Variants in GAS6 observed in about 807,000 individuals in gnomAD.
GAS6 encodes growth arrest-specific protein 6.
In GAS6, 41 loss-of-function variants were observed where a neutral mutation model predicts 75.8. The ratio of observed to expected loss-of-function variants is 0.54; its 90% CI spans 0.42 to 0.70. GAS6 has a LOEUF of 0.70. Among genes scored for constraint, GAS6 ranks in the 30% least tolerant of loss-of-function variants. The pLI is 0.00. For missense variants in GAS6, 854 were observed against 940.2 expected, an observed-to-expected ratio of 0.91 and a Z score of 1.20; for synonymous variants, 432 against 412.6, an observed-to-expected ratio of 1.05 and a Z score of -0.57.
intron 12 of GAS6, 106 bp from the exon 13 acceptor site, chr13:113,823,656 G>A: frequency 8.9e-7 from 1 of 1,124,556 alleles, no homozygotes; most frequent in Non-Finnish European, 1.3e-6. Context: ...GTGGGAAGCT[G>A]TGCAGACAGC....
Position 113,837,437 on chromosome 13 carries a change from T to C in GAS6, c.589+632A>G, listed in dbSNP as rs1048908403. ...AAACTCTCAGGGACACGCCTGGGCA[T>C]GTCCAGATACAACGTGGGGAGGGAG... On this transcript the variant is annotated intron_variant, in intron 6 of 14. Transcript: ENST00000327773. The surrounding 1 kb of genome is among the most constrained non-coding windows in gnomAD (Gnocchi z 5.1). 4.6e-5 allele frequency among the ~76,000 whole-genome samples: 7 copies of C among 151,890 alleles called. No individual in the cohort carries two copies. Among genetic ancestry groups the C allele is most frequent in the Non-Finnish European group, 8.8e-5 (6 of 67,942 alleles).
At chr13:113,833,446 T>TG (rs959551646) in intron 8 of GAS6, 7 of 990,270 alleles carry the variant, frequency 7.1e-6, no homozygotes, top group Non-Finnish European at 8.4e-6. Flanking sequence ...TCTTTCCACC[T>TG]GTGGTTTTGC....
At chr13:113,831,284 C>G (rs2051627082) in intron 10 of GAS6, among the ~76,000 whole-genome samples, 1 of 152,186 alleles carries the variant, frequency 6.6e-6, no homozygotes. Flanking sequence ...GTGAGGTCAC[C>G]TGGACCCTTG....
chr13:113,822,099 G>A lies in GAS6; in HGVS notation c.1741C>T (p.Leu581=), dbSNP rs1484369292. 5 of 1,599,732 alleles carry A rather than the reference G, an allele frequency of 3.1e-6. No individual in the cohort carries two copies. The highest frequency in any genetic ancestry group is 4.3e-6 in the Non-Finnish European group (5 of 1,174,964). The part of the protein sequence containing the change: ...DGQEHVVTVS[L]RDGEATLEVD... Reference sequence around the variant, plus strand: ...TCCAGGGTGGCCTCACCGTCCCTCAGCGAGACGGTGACCACGTGCTCTTGG... The same window carrying A: ...TCCAGGGTGGCCTCACCGTCCCTCAACGAGACGGTGACCACGTGCTCTTGG... The change falls in exon 14 of 15, where the codon CTG becomes TTG. Residue 581 remains leucine (L), a synonymous_variant. Coordinates refer to ENST00000327773, the MANE Select transcript of GAS6 (RefSeq NM_000820.4).
At chr13:113,838,345 G>A (rs952421327) in intron 5 of GAS6, 154 bp from the exon 6 acceptor site, 1 of 875,818 alleles carries the variant, frequency 1.1e-6, no homozygotes, top group South Asian at 1.6e-5. Flanking sequence ...GATCCCAAAG[G>A]TGCACAGCCC....
intron 5 of GAS6, 47 bp from the exon 6 acceptor site, chr13:113,838,238 C>T (rs2051737419): frequency 1.9e-6 from 3 of 1,607,662 alleles, no homozygotes; most frequent in Non-Finnish European, 2.5e-6. Flanking sequence ...GTGCACAGCC[C>T]CTGGCTACGG....
chr13:113,842,353 G>A (rs977039325), intron 4 of GAS6: 3 of 382,342 alleles, frequency 7.8e-6, no homozygotes, highest in Non-Finnish European at 9.2e-6. Context: ...CACTATAAAC[G>A]CTTTCTACTC....
rs1461952913 is a variant in GAS6 at position 113,822,183 on chromosome 13, C to T, written c.1657G>A (p.Val553Met). 1.9e-6 allele frequency: 3 copies of T among 1,544,094 alleles called. No homozygotes were observed. The highest frequency in any genetic ancestry group is 1.9e-5 in the Admixed American group (1 of 52,288). The part of the protein sequence containing the change: ...HSTKKLKKQL[V>M]VLAVEHTALA... ...GCCGTATGCTCCACGGCCAGGACCA[C>T]CAGCTGCAGGAGACCGAGGTGTGGT... is the stretch of plus-strand genomic sequence containing the variant. Residue 553 changes from valine to methionine, a missense_variant, in exon 14 of 15, where the codon GTG (valine) becomes ATG (methionine). Transcript: ENST00000327773.
chr13:113,823,082 T>C, intron 13 of GAS6: 1 of 343,788 alleles, frequency 2.9e-6, no homozygotes, highest in Non-Finnish European at 5.3e-6. Context: ...TAATTCAGAT[T>C]GCTGTGAGCC....
chr13:113,834,590 A>G lies in GAS6; in HGVS notation c.795T>C (p.Arg265=), dbSNP rs758625607. The G allele has an allele frequency of 8.7e-6, 14 of 1,606,510 alleles. 1 individual carries two copies. The South Asian group carries it at 1.2e-4, about 14-fold the overall frequency. ...TGTCCTGGGACAGCTTGAGGCCCCC[A>G]CGCCCGTCACAGTGGCAGGTGTAGC... ...PGSYTCHCDG[R]GGLKLSQDMD... Residue 265 remains arginine (R), a synonymous_variant, in exon 8 of 15, where the codon CGT becomes CGC. Transcript: ENST00000327773.
chr13:113,860,188 C>T (rs2051959294), intron 2 of GAS6, among the ~76,000 whole-genome samples: 1 of 152,186 alleles, frequency 6.6e-6, no homozygotes, highest in Non-Finnish European at 1.5e-5. Context: ...GGAAGGGAAA[C>T]CTGGCCTCGG....
chr13:113,841,152 A>C (rs6602913), intron 4 of GAS6: 72,624 of 152,120 alleles, frequency 0.48, 18,705 homozygotes, highest in African/African-American at 0.68. Flanking sequence ...AGCCGCTTCC[A>C]TCCCCACCTG....
chr13:113,859,368 CTA>C (rs1336484403), intron 2 of GAS6, among the ~76,000 whole-genome samples: 6 of 146,984 alleles, frequency 4.1e-5, no homozygotes, highest in South Asian at 2.2e-4. Context: ...GACTGTATGT[CTA>C]TGTGAATGTG....
In GAS6 at chr13:113,823,480, G is replaced by T. The variant is rs149090898; in HGVS notation, c.1548C>A (p.Ala516=). ...GCGCAAACAGCACGCCTGTGTCTGC[G>T]GCTGGGCGGATGTGAGCCACGACTT... ...EVEVVAHIRP[A]ADTGVLFALW... Residue 516 remains alanine, a synonymous_variant, in exon 13 of 15, where the codon GCC becomes GCA. Coordinates refer to ENST00000327773, the MANE Select transcript of GAS6 (RefSeq NM_000820.4). 8 of 1,612,686 alleles carry T rather than the reference G, an allele frequency of 5.0e-6. No individual in the cohort carries two copies. The African/African-American group carries it at 5.3e-5, about 11-fold the overall frequency.
Position 113,835,613 on chromosome 13 carries a change from C to T in GAS6, c.612G>A (p.Ser204=), listed in dbSNP as rs1368669944. ...TGCAGCGCGCCTCCCCGCAGGCCTC[C>T]GAGTCTGCGCACTCGTCTATGTCTG... ...TCQDIDECAD[S]EACGEARCKN... Residue 204 remains serine, a synonymous_variant, in exon 7 of 15, where the codon TCG becomes TCA. Transcript: ENST00000327773. The T allele has an allele frequency of 1.9e-6, 3 of 1,612,158 alleles. No individual in the cohort carries two copies. Among genetic ancestry groups the T allele is most frequent in the South Asian group, 1.1e-5 (1 of 91,060 alleles).
In GAS6 at chr13:113,848,859, G is replaced by C. The variant is rs1203858276; in HGVS notation, c.256-809C>G. Among the ~76,000 whole-genome samples, 1 of 152,196 alleles carries C rather than the reference G, an allele frequency of 6.6e-6. No individual in the cohort carries two copies. The highest frequency in any genetic ancestry group is 1.5e-5 in the Non-Finnish European group (1 of 68,028). ...GAAGGTCTTTTTAATCCCATTATCAGGAATGAGGAAACCCGGCTTCAGGAT... is the reference window on the plus strand; with the variant it reads ...GAAGGTCTTTTTAATCCCATTATCACGAATGAGGAAACCCGGCTTCAGGAT... On this transcript the variant is annotated intron_variant, in intron 2 of 14. Transcript: ENST00000327773. The surrounding 1 kb of genome is among the most constrained non-coding windows in gnomAD (Gnocchi z 4.8).
intron 2 of GAS6, among the ~76,000 whole-genome samples, chr13:113,860,843 G>A (rs745556553): frequency 6.6e-6 from 1 of 152,126 alleles, no homozygotes; most frequent in Non-Finnish European, 1.5e-5. Flanking sequence ...TGTGGGGAGG[G>A]CCAGAGCCTG....
chr13:113,851,895 A>G (rs1223372109), intron 2 of GAS6, among the ~76,000 whole-genome samples: 3 of 152,206 alleles, frequency 2.0e-5, no homozygotes, highest in African/African-American at 7.2e-5. Flanking sequence ...CATCCTTGTT[A>G]TTAACTGACA....
At chr13:113,821,629 C>G (rs1027180846) in intron 14 of GAS6, 5 of 359,326 alleles carry the variant, frequency 1.4e-5, no homozygotes, top group Non-Finnish European at 2.0e-5. Flanking sequence ...CCAACTGCAG[C>G]CTGGCCCGAG....
Sources: gnomAD v4.1 joint callset for allele counts (sites outside exome capture counted in the v4.1 genomes callset) on GRCh38, gnomAD v4.1.1 for gene constraint, Gnocchi (gnomAD v3.1) non-coding constraint, MANE v1.5 for transcripts, NCBI Gene and HGNC (gene_info 2026-07-23, HGNC 2026-07-21) for gene names.